XKR4: variants seen among roughly 807,000 people sequenced by gnomAD.
XKR4 encodes the protein XK-related protein 4.
A neutral mutation model predicts 53.9 loss-of-function variants in XKR4; 12 were observed. The observed-to-expected ratio is 0.22, with a 90% confidence interval of 0.14 to 0.36. XKR4 has a LOEUF of 0.36. Among genes scored for constraint, XKR4 ranks in the 10% least tolerant of loss-of-function variants. The pLI is 1.00. For missense variants in XKR4, 799 were observed against 859.5 expected (o/e 0.93, Z 0.88); for synonymous variants, 354 against 362.4 (o/e 0.98, Z 0.26).
chr8:55,158,952 C>T (rs574640619), intron 1 of XKR4, among the ~76,000 whole-genome samples: 2 of 152,076 alleles, frequency 1.3e-5, no homozygotes, highest in South Asian at 2.1e-4. Flanking sequence ...AGAATTACCT[C>T]GGACATTCTG....
At chr8:55,491,477 T>A (rs1806271111) in intron 2 of XKR4, among the ~76,000 whole-genome samples, 1 of 152,212 alleles carries the variant, frequency 6.6e-6, no homozygotes, top group Non-Finnish European at 1.5e-5. Context: ...ATGAGCTTGA[T>A]GTTTTGGGGG....
At chr8:55,151,478 A>G (rs1020980478) in intron 1 of XKR4, among the ~76,000 whole-genome samples, 4 of 152,244 alleles carry the variant, frequency 2.6e-5, no homozygotes, top group African/African-American at 4.8e-5. Context: ...AATAAGCTGC[A>G]CATAGAAATT....
At chr8:55,503,951 T>C (rs1298058631) in intron 2 of XKR4, among the ~76,000 whole-genome samples, 2 of 152,154 alleles carry the variant, frequency 1.3e-5, no homozygotes, top group East Asian at 3.8e-4. Context: ...TTGCATCTAT[T>C]GAGATGATAA....
intron 2 of XKR4, among the ~76,000 whole-genome samples, chr8:55,488,429 G>A (rs1374705625): frequency 2.0e-5 from 3 of 147,880 alleles, no homozygotes; most frequent in Non-Finnish European, 4.4e-5. Context: ...AAACCTGGAA[G>A]CAACTAGGAT....
chr8:55,366,033 G>T (rs1803979177), intron 2 of XKR4, among the ~76,000 whole-genome samples: 1 of 152,246 alleles, frequency 6.6e-6, no homozygotes, highest in Admixed American at 6.5e-5. Context: ...CCTCCCCTGG[G>T]CTGGGACGAG....
At chr8:55,283,125 G>A (rs1428991733) in intron 1 of XKR4, among the ~76,000 whole-genome samples, 1 of 152,058 alleles carries the variant, frequency 6.6e-6, no homozygotes, top group Non-Finnish European at 1.5e-5. Context: ...ATCTAGTTTT[G>A]CATAAGTACA....
chr8:55,476,762 A>C (rs1805993456), intron 2 of XKR4, among the ~76,000 whole-genome samples: 1 of 152,128 alleles, frequency 6.6e-6, no homozygotes, highest in Admixed American at 6.5e-5. Context: ...CCTGGCTCAG[A>C]GGGTCCTATG....
chr8:55,361,589 G>A (rs761992363), intron 2 of XKR4, among the ~76,000 whole-genome samples: 9 of 151,652 alleles, frequency 5.9e-5, no homozygotes, highest in Non-Finnish European at 1.0e-4. Context: ...ATCCTCACCC[G>A]TGCCCTCTTC....
intron 1 of XKR4, among the ~76,000 whole-genome samples, chr8:55,218,954 G>T (rs1228134560): frequency 6.6e-6 from 1 of 151,452 alleles, no homozygotes; most frequent in Non-Finnish European, 1.5e-5. Context: ...ATAGATATTT[G>T]TCTCGAAGGC....
intron 2 of XKR4, among the ~76,000 whole-genome samples, chr8:55,460,632 T>TGCAGGACAGTGGGC (rs1488888573): frequency 1.3e-5 from 2 of 152,140 alleles, no homozygotes; most frequent in South Asian, 2.1e-4. Context: ...AGACAGTGGG[T>TGCAGGACAGTGGGC]GCAGGACAGT....
intron 1 of XKR4, among the ~76,000 whole-genome samples, chr8:55,197,544 A>ATT (rs1817520287): frequency 2.2e-5 from 3 of 134,982 alleles, no homozygotes; most frequent in Non-Finnish European, 3.2e-5. Flanking sequence ...GGTTCAGCTA[A>ATT]ATTTTTTTTT....
intron 2 of XKR4, among the ~76,000 whole-genome samples, chr8:55,479,377 A>G (rs2129400987): frequency 6.6e-6 from 1 of 152,226 alleles, no homozygotes; most frequent in East Asian, 1.9e-4. Context: ...ACATACCAGA[A>G]TCTCTGGGAC....
Position 55,287,131 on chromosome 8 carries a change from TGGG to T in XKR4, c.807-70539_807-70537del, listed in dbSNP as rs61241477. Among the ~76,000 whole-genome samples the T allele has an allele frequency of 1.8e-4, 25 of 136,650 alleles. No homozygotes were observed. The East Asian group carries it at 2.9e-3, about 16-fold the overall frequency. The allele number at this position is 136,650 out of a possible 152,430, so 89.6% of individuals were successfully genotyped here. On this transcript the variant is annotated intron_variant, in intron 1 of 2. Coordinates refer to ENST00000327381, the MANE Select transcript of XKR4 (RefSeq NM_052898.2). ...TGAGTTATATCAAATAATTATTGGG[TGGG>T]GGGGGGGAACCTTCAATAATACAGG...
At chr8:55,428,031 T>C (rs11787391) in intron 2 of XKR4, among the ~76,000 whole-genome samples, 1 of 152,252 alleles carries the variant, frequency 6.6e-6, no homozygotes, top group African/African-American at 2.4e-5. Context: ...GAATGTTATA[T>C]AACTTTTTTC....
At chr8:55,319,145 C>G (rs1294616149) in intron 1 of XKR4, among the ~76,000 whole-genome samples, 2 of 152,136 alleles carry the variant, frequency 1.3e-5, no homozygotes, top group Non-Finnish European at 2.9e-5. Flanking sequence ...GAGAAATACA[C>G]TGACAAAAAT....
chr8:55,173,184 T>C (rs2129358742), intron 1 of XKR4, among the ~76,000 whole-genome samples: 1 of 152,268 alleles, frequency 6.6e-6, no homozygotes, highest in African/African-American at 2.4e-5. Context: ...CATTAGCACT[T>C]AAGAGTCCCC....
intron 1 of XKR4, among the ~76,000 whole-genome samples, chr8:55,208,568 G>A (rs559774589): frequency 6.6e-6 from 1 of 152,118 alleles, no homozygotes; most frequent in South Asian, 2.1e-4. Context: ...CCGGGTTCAA[G>A]TGATTCTCCT....
intron 1 of XKR4, among the ~76,000 whole-genome samples, chr8:55,259,723 G>T (rs1433461935): frequency 6.6e-6 from 1 of 152,124 alleles, no homozygotes; most frequent in Non-Finnish European, 1.5e-5. Flanking sequence ...TCATTTTATG[G>T]CACTTTTCAG....
intron 1 of XKR4, among the ~76,000 whole-genome samples, chr8:55,165,322 C>T (rs1425226234): frequency 5.3e-5 from 8 of 151,280 alleles, no homozygotes; most frequent in Non-Finnish European, 1.0e-4. Flanking sequence ...CATGTAATGA[C>T]CTTCATACAT....
Sources: gnomAD v4.1 joint callset for allele counts (sites outside exome capture counted in the v4.1 genomes callset) on GRCh38, gnomAD v4.1.1 for gene constraint, MANE v1.5 for transcripts, NCBI Gene and HGNC (gene_info 2026-07-23, HGNC 2026-07-21) for gene names.